The following WDFY3 variants were observed in gnomAD, a reference collection of about 807,000 sequenced individuals.
WDFY3 encodes the protein WD repeat and FYVE domain containing 3, also known as WD repeat and FYVE domain-containing protein 3.
A neutral mutation model predicts 409.6 loss-of-function variants in WDFY3; 66 were observed. That is an observed-to-expected ratio of 0.16 (90% CI 0.13 to 0.20). The LOEUF (loss-of-function observed/expected upper bound fraction) is 0.20. Among genes scored for constraint, WDFY3 ranks in the 10% least tolerant of loss-of-function variants. WDFY3 has a pLI of 1.00. For synonymous variants in WDFY3, 1,521 were observed against 1,537.1 expected, an observed-to-expected ratio of 0.99 and a Z score of 0.25; for missense variants, 3,031 against 4,298.1, an observed-to-expected ratio of 0.71 and a Z score of 8.24.
Position 84,958,431 on chromosome 4 carries a change from A to T in WDFY3, c.-226+7778T>A, listed in dbSNP as rs149145720. Among the ~76,000 whole-genome samples, 599 of 151,532 alleles carry T rather than the reference A, an allele frequency of 4.0e-3. 3 individuals carry two copies. Among genetic ancestry groups the T allele is most frequent in the African/African-American group, 0.013 (523 of 40,904 alleles). On this transcript the variant is annotated intron_variant, in intron 1 of 67. Transcript: ENST00000295888. ...AATAAAAAATCAGAAGTTTTTTTTTAAAAAATTCCAGTTCCTCCCATCCAA... is the reference window on the plus strand; with the variant it reads ...AATAAAAAATCAGAAGTTTTTTTTTTAAAAATTCCAGTTCCTCCCATCCAA...
At chr4:84,880,672 T>TACACAC (rs1259663195) in intron 3 of WDFY3, among the ~76,000 whole-genome samples, 1 of 74,630 alleles carries the variant, frequency 1.3e-5, no homozygotes, top group African/African-American at 5.6e-5. Flanking sequence ...AAGGGAACCA[T>TACACAC]ACATATATAT....
chr4:84,873,866 T>C (rs913680208), intron 3 of WDFY3, among the ~76,000 whole-genome samples: 2 of 151,844 alleles, frequency 1.3e-5, no homozygotes, highest in African/African-American at 4.8e-5. Context: ...CAGTGTAGCC[T>C]CAACCTCCTG....
intron 4 of WDFY3, 44 bp downstream of exon 4, chr4:84,860,368 G>T: frequency 6.4e-7 from 1 of 1,551,100 alleles, no homozygotes. Context: ...TTCTTGTAGT[G>T]CCCCCCAGTC....
intron 3 of WDFY3, among the ~76,000 whole-genome samples, chr4:84,868,558 C>CCCTG (rs201931254): frequency 0.02 from 3,084 of 152,232 alleles, 49 homozygotes; most frequent in Non-Finnish European, 0.032. Flanking sequence ...ACTATATATA[C>CCCTG]CCTGAGCTAC....
At chr4:84,830,562 A>C (rs939328639) in intron 8 of WDFY3, among the ~76,000 whole-genome samples, 4 of 152,206 alleles carry the variant, frequency 2.6e-5, no homozygotes, top group Non-Finnish European at 4.4e-5. Context: ...ATTGAGGAGC[A>C]TCTGTGTATA....
intron 2 of WDFY3, among the ~76,000 whole-genome samples, chr4:84,930,473 A>G (rs1770619208): frequency 6.6e-6 from 1 of 152,222 alleles, no homozygotes; most frequent in African/African-American, 2.4e-5. Context: ...TTTAAGATGT[A>G]GAAATTGATG....
At position 84,690,717 on chromosome 4, in the gene WDFY3, T is replaced by C; in HGVS notation, c.9205-53A>G. On this transcript the variant is annotated intron_variant, in intron 60 of 67. Transcript: ENST00000295888. ...ACATGCCGTTAAGTACTATACAAACTTCTGAAACTCAAGGAGCAGAATTGA... is the reference window on the plus strand; with the variant it reads ...ACATGCCGTTAAGTACTATACAAACCTCTGAAACTCAAGGAGCAGAATTGA... 2.0e-6 allele frequency: 3 copies of C among 1,530,286 alleles called. No homozygotes were observed. In the South Asian group the frequency reaches 3.9e-5, roughly 20 times the overall value. 94.8% of individuals were successfully genotyped at this position (1,530,286 alleles called of 1,614,324 possible).
Position 84,735,034 on chromosome 4 carries a change from A to G in WDFY3, c.6993+9T>C. On this transcript the variant is annotated intron_variant, in intron 43 of 67. Transcript: ENST00000295888. The stretch of plus-strand genomic sequence containing the variant: ...AAAACAAACCATTATGATGATTATA[A>G]GTCCTTACCTCCTGATATTCTTTAT... 1.2e-6 allele frequency: 2 copies of G among 1,607,036 alleles called. No homozygotes were observed. Among genetic ancestry groups the G allele is most frequent in the Non-Finnish European group, 1.7e-6 (2 of 1,175,362 alleles).
intron 1 of WDFY3, among the ~76,000 whole-genome samples, chr4:84,951,498 T>G (rs1034832150): frequency 6.6e-5 from 10 of 152,192 alleles, no homozygotes; most frequent in Non-Finnish European, 1.5e-4. Flanking sequence ...TGATGTAATA[T>G]AAAAAATCTA....
chr4:84,944,839 G>C (rs1467488401), intron 1 of WDFY3, among the ~76,000 whole-genome samples: 2 of 151,988 alleles, frequency 1.3e-5, no homozygotes. Flanking sequence ...ATAGTCACTG[G>C]ATGTGGCTGA....
At chr4:84,744,850 C>T (rs548948676) in intron 36 of WDFY3, among the ~76,000 whole-genome samples, 12 of 70,302 alleles carry the variant, frequency 1.7e-4, no homozygotes, top group African/African-American at 6.6e-4. Flanking sequence ...GAGACTCCGT[C>T]TCAAAAAAAA....
Position 84,820,101 on chromosome 4 carries a change from T to G in WDFY3, c.1677A>C (p.Gly559=). The change falls in exon 12 of 68, where the codon GGA becomes GGC. Residue 559 remains glycine, a synonymous_variant. Transcript: ENST00000295888. ...TTAAATTACCTGCATTTGTGTTTGA[T>G]CCTTGAAGAAGCACTGTCAAGGTCT... ...VMETLTVLLQ[G]SNTNAGIFRE... 2 of 1,602,262 alleles carry G rather than the reference T, an allele frequency of 1.2e-6. No homozygotes were observed. Among genetic ancestry groups the G allele is most frequent in the Non-Finnish European group, 1.7e-6 (2 of 1,173,566 alleles).
chr4:84,714,165 G>C (rs1052993092), intron 50 of WDFY3, among the ~76,000 whole-genome samples: 3 of 152,050 alleles, frequency 2.0e-5, no homozygotes, highest in African/African-American at 7.2e-5. Context: ...TGCTCACTCA[G>C]GCTAGAGTGC....
intron 56 of WDFY3, among the ~76,000 whole-genome samples, chr4:84,699,661 C>CG (rs1170489585): frequency 1.3e-5 from 2 of 152,082 alleles, no homozygotes; most frequent in Non-Finnish European, 2.9e-5. Context: ...ATTTTATGCT[C>CG]CCACCAGCAA....
rs190281785 is a variant in WDFY3, at chr4:84,839,137, G to A, written c.414+2017C>T. Among the ~76,000 whole-genome samples the A allele has an allele frequency of 1.4e-3, 214 of 152,046 alleles. 1 individual carries two copies. The highest frequency in any genetic ancestry group is 4.9e-3 in the African/African-American group (205 of 41,480). On this transcript the variant is annotated intron_variant, in intron 6 of 67. Coordinates refer to ENST00000295888, the MANE Select transcript of WDFY3 (RefSeq NM_014991.6). ...TGTAGATAGATTTAAAGTATAACTT[G>A]GCATCTAAACTTGTAATTTTTTAAG...
intron 3 of WDFY3, among the ~76,000 whole-genome samples, chr4:84,882,284 G>A (rs1763641784): frequency 6.6e-6 from 1 of 152,172 alleles, no homozygotes; most frequent in Non-Finnish European, 1.5e-5. Flanking sequence ...GATTTATGGA[G>A]AGTATCTCCA....
rs959437878 is a variant in WDFY3 at position 84,849,798 on chromosome 4, T to C, written c.304+104A>G. 4.1e-6 allele frequency: 6 copies of C among 1,470,628 alleles called. No individual in the cohort carries two copies. In the African/African-American group the frequency reaches 8.6e-5, roughly 21 times the overall value. 91.1% of individuals were successfully genotyped at this position (1,470,628 alleles called of 1,614,324 possible). A position where few individuals can be genotyped will look rare whatever the true frequency, so the allele number is the denominator to read the frequency against. ...AAAGGGAATGGGTAAATGAACTCAA[T>C]GTGCTGAGAACAAGGTCTGTTTTCC... On this transcript the variant is annotated intron_variant, in intron 5 of 67. Transcript: ENST00000295888.
At position 84,946,918 on chromosome 4, in the gene WDFY3, C is replaced by T. The variant is rs189385192; in HGVS notation, c.-225-14555G>A. Among the ~76,000 whole-genome samples, 1,340 of 151,674 alleles carry T rather than the reference C, an allele frequency of 8.8e-3. 4 individuals are homozygous for T. The highest frequency in any genetic ancestry group is 0.014 in the Non-Finnish European group (924 of 67,878). ...GCCTCCCAGGTTCATGCCATTCTCC[C>T]GCCTCAGCCTCCCTAGTAGCTAGGA... is the stretch of plus-strand genomic sequence containing the variant. On this transcript the variant is annotated intron_variant, in intron 1 of 67. Coordinates refer to ENST00000295888, the MANE Select transcript of WDFY3 (RefSeq NM_014991.6).
intron 2 of WDFY3, among the ~76,000 whole-genome samples, chr4:84,904,059 T>C (rs187141028): frequency 1.3e-5 from 2 of 152,252 alleles, no homozygotes; most frequent in Admixed American, 6.5e-5. Flanking sequence ...GGTGGAACTC[T>C]CATAAACTGA....
Sources: allele counts gnomAD v4.1 joint callset (sites outside exome capture counted in the v4.1 genomes callset), GRCh38; gene constraint gnomAD v4.1.1; transcripts MANE v1.5; gene names NCBI Gene and HGNC (gene_info 2026-07-23, HGNC 2026-07-21).